Variants in OR2L13 observed in about 807,000 individuals in gnomAD.
The protein encoded by OR2L13 is olfactory receptor family 2 subfamily L member 13.
In OR2L13, 14 loss-of-function variants were observed where a neutral mutation model predicts 15.3. That is an observed-to-expected ratio of 0.91 (90% CI 0.60 to 1.43). The LOEUF (loss-of-function observed/expected upper bound fraction) is 1.43, where lower values mean the gene tolerates loss of function less well. Among genes scored for constraint, OR2L13 ranks in the 40% most tolerant of loss-of-function variants. The probability of loss-of-function intolerance (pLI) is 0.00; values close to 1 mark genes in which losing one functional copy is unlikely to be tolerated. For missense variants in OR2L13, 367 were observed against 387.9 expected (o/e 0.95, Z 0.45); for synonymous variants, 152 against 142.9 (o/e 1.06, Z -0.45).
chr1:248,022,336 A>G, the OR2L13 span: 6 of 1,613,988 alleles, frequency 3.7e-6, no homozygotes, highest in East Asian at 2.2e-5. Flanking sequence ...TTTCCTCTCC[A>G]CTATCCCATC....
chr1:248,060,820 C>T, the OR2L13 span: 5 of 1,614,004 alleles, frequency 3.1e-6, no homozygotes, highest in Admixed American at 5.0e-5. Context: ...CATGATTCTT[C>T]TCATCTTCTT....
At chr1:247,983,894 C>A in the OR2L13 span, among the ~76,000 whole-genome samples, 1 of 152,270 alleles carries the variant, frequency 6.6e-6, no homozygotes, top group African/African-American at 2.4e-5. Context: ...CCTTTCGGGG[C>A]AGTAGGCAGG....
chr1:248,063,245 C>T, the OR2L13 span: 1 of 152,088 alleles, frequency 6.6e-6, no homozygotes, highest in African/African-American at 2.4e-5. Context: ...CATTTGTATT[C>T]CTCTTCATTT....
At chr1:248,072,690 A>C in the OR2L13 span, among the ~76,000 whole-genome samples, 1 of 152,176 alleles carries the variant, frequency 6.6e-6, no homozygotes, top group Admixed American at 6.5e-5. Flanking sequence ...GTGAACAGGC[A>C]ACCTACAAAA....
At chr1:247,991,327 T>A in the OR2L13 span, 2 of 648,726 alleles carry the variant, frequency 3.1e-6, no homozygotes, top group Non-Finnish European at 5.0e-6. Flanking sequence ...AAAAGATTTG[T>A]ATTTTAATTT....
At chr1:247,973,587 G>T in the OR2L13 span, among the ~76,000 whole-genome samples, 1 of 151,836 alleles carries the variant, frequency 6.6e-6, no homozygotes, top group South Asian at 2.1e-4. Context: ...TGCAGGGCCT[G>T]TTAAAGGAGA....
At chr1:247,965,760 C>T in the OR2L13 span, 29 of 1,579,326 alleles carry the variant, frequency 1.8e-5, no homozygotes, top group East Asian at 6.1e-4. Flanking sequence ...CTATCTGTCA[C>T]CCTTTACATT....
chr1:248,042,734 TATCA>T, the OR2L13 span, among the ~76,000 whole-genome samples: 3 of 152,182 alleles, frequency 2.0e-5, no homozygotes, highest in Non-Finnish European at 4.4e-5. Flanking sequence ...CATAATATTT[TATCA>T]ATCTTGTCTA....
At chr1:248,002,436 T>C in the OR2L13 span, among the ~76,000 whole-genome samples, 1 of 130,282 alleles carries the variant, frequency 7.7e-6, no homozygotes, top group Non-Finnish European at 1.6e-5. Flanking sequence ...TGAATTTCAC[T>C]ACAGTGGGTA....
the OR2L13 span, among the ~76,000 whole-genome samples, chr1:248,007,211 A>G: frequency 2.0e-5 from 3 of 152,214 alleles, no homozygotes; most frequent in Non-Finnish European, 2.9e-5. Flanking sequence ...GTACCTTATC[A>G]GTAAATGGCA....
At chr1:247,996,669 A>G in the OR2L13 span, among the ~76,000 whole-genome samples, 1 of 152,268 alleles carries the variant, frequency 6.6e-6, no homozygotes, top group South Asian at 2.1e-4. Flanking sequence ...GTACACCTAA[A>G]CATCTTTCTT....
the OR2L13 span, among the ~76,000 whole-genome samples, chr1:247,972,189 C>T: frequency 6.6e-6 from 1 of 152,022 alleles, no homozygotes; most frequent in Non-Finnish European, 1.5e-5. Flanking sequence ...AATTGACACA[C>T]TAACATCACA....
At chr1:248,011,816 C>T in the OR2L13 span, among the ~76,000 whole-genome samples, 5 of 152,094 alleles carry the variant, frequency 3.3e-5, no homozygotes, top group African/African-American at 2.4e-5. Flanking sequence ...TGTGGGTGGG[C>T]CTGTATCAAT....
At chr1:247,959,673 C>T in the OR2L13 span, among the ~76,000 whole-genome samples, 3 of 152,160 alleles carry the variant, frequency 2.0e-5, no homozygotes, top group African/African-American at 4.8e-5. Flanking sequence ...AACTTCTCTT[C>T]TCACTTCATT....
At chr1:247,951,615 ACTTGT>A in the OR2L13 span, among the ~76,000 whole-genome samples, 2 of 152,172 alleles carry the variant, frequency 1.3e-5, no homozygotes, top group East Asian at 1.9e-4. Context: ...CACATTTTGA[ACTTGT>A]CTTATGAATC....
At chr1:247,979,660 C>T in the OR2L13 span, among the ~76,000 whole-genome samples, 3 of 152,138 alleles carry the variant, frequency 2.0e-5, no homozygotes, top group Non-Finnish European at 4.4e-5. Context: ...CCGTGGGCTG[C>T]ACCCACTGTC....
the OR2L13 span, chr1:247,966,367 T>A: frequency 3.2e-6 from 5 of 1,573,358 alleles, no homozygotes; most frequent in Admixed American, 9.7e-5. Flanking sequence ...AAAAAGCTGT[T>A]CCTGAAAACT....
chr1:247,973,194 G>T, the OR2L13 span, among the ~76,000 whole-genome samples: 3 of 152,196 alleles, frequency 2.0e-5, no homozygotes, highest in South Asian at 6.2e-4. Context: ...AAATCTGGAG[G>T]CATCCCATTT....
At chr1:248,038,947 T>A in the OR2L13 span, 6 of 1,614,146 alleles carry the variant, frequency 3.7e-6, no homozygotes, top group Admixed American at 1.0e-4. Context: ...GTCTACCGCA[T>A]GCACTCTGCA....
Sources: allele counts gnomAD v4.1 joint callset (sites outside exome capture counted in the v4.1 genomes callset), GRCh38; gene constraint gnomAD v4.1.1; transcripts MANE v1.5; gene names NCBI Gene and HGNC (gene_info 2026-07-23, HGNC 2026-07-21).